Variants in FAM241A observed in about 807,000 individuals in gnomAD.
The protein encoded by FAM241A is family with sequence similarity 241 member A.
FAM241A carries 7 observed loss-of-function variants against 12.2 expected under a neutral mutation model. The observed-to-expected ratio is 0.58, with a 90% CI of 0.33 to 1.08. The LOEUF (loss-of-function observed/expected upper bound fraction) is 1.08. Among genes scored for constraint, FAM241A ranks in the 50% least tolerant of loss-of-function variants. The pLI, the probability that FAM241A is intolerant of heterozygous loss-of-function variation, is 0.04. For synonymous variants in FAM241A, 74 were observed against 68.2 expected, an observed-to-expected ratio of 1.08 and a Z score of -0.42; for missense variants, 161 against 169.7, an observed-to-expected ratio of 0.95 and a Z score of 0.29.
intron 1 of FAM241A, among the ~76,000 whole-genome samples, chr4:112,184,803 A>G (rs544698054): frequency 1.3e-5 from 2 of 152,360 alleles, no homozygotes; most frequent in East Asian, 1.9e-4. Flanking sequence ...TGTGTACAAT[A>G]GAAAATAAGG....
intron 1 of FAM241A, among the ~76,000 whole-genome samples, chr4:112,171,798 G>A (rs962024181): frequency 5.3e-5 from 8 of 152,134 alleles, no homozygotes; most frequent in African/African-American, 1.9e-4. Context: ...GGCGGAGGTT[G>A]CAGTGAGCCG....
chr4:112,147,369 T>C (rs1285751402), intron 1 of FAM241A, among the ~76,000 whole-genome samples: 1 of 152,216 alleles, frequency 6.6e-6, no homozygotes, highest in East Asian at 1.9e-4. Context: ...TACACAATAA[T>C]TGAAAATCAC....
intron 1 of FAM241A, among the ~76,000 whole-genome samples, chr4:112,154,468 G>A (rs914066799): frequency 1.3e-5 from 2 of 151,844 alleles, no homozygotes; most frequent in African/African-American, 4.8e-5. Flanking sequence ...GAGTTTTGCC[G>A]TGTTGCCCAG....
chr4:112,145,924 C>T (rs1413354602), intron 1 of FAM241A, among the ~76,000 whole-genome samples, 191 bp downstream of exon 1: 22 of 151,450 alleles, frequency 1.5e-4, no homozygotes. Flanking sequence ...GCGGCGGGGT[C>T]GCGCGAGTGC....
At chr4:112,180,624 A>T (rs1288784720) in intron 1 of FAM241A, among the ~76,000 whole-genome samples, 1 of 152,152 alleles carries the variant, frequency 6.6e-6, no homozygotes, top group African/African-American at 2.4e-5. Flanking sequence ...GTGGTATAAA[A>T]TTGCTATAAA....
At chr4:112,167,850 G>A (rs1270371428) in intron 1 of FAM241A, among the ~76,000 whole-genome samples, 1 of 152,182 alleles carries the variant, frequency 6.6e-6, no homozygotes, top group Non-Finnish European at 1.5e-5. Context: ...CCTATTCTGT[G>A]AATCAAGGAT....
intron 1 of FAM241A, among the ~76,000 whole-genome samples, chr4:112,181,660 A>AG (rs1338362989): frequency 6.6e-6 from 1 of 152,220 alleles, no homozygotes; most frequent in Non-Finnish European, 1.5e-5. Context: ...CCAAAAGGAG[A>AG]GGATGCCTTA....
Position 112,187,619 on chromosome 4 carries a change from C to T in FAM241A, c.*681C>T, listed in dbSNP as rs1284025830. 1.3e-5 allele frequency: 2 copies of T among 152,424 alleles called. No homozygotes were observed. The highest frequency in any genetic ancestry group is 2.9e-5 in the Non-Finnish European group (2 of 67,910). 9.4% of individuals were successfully genotyped at this position (152,424 alleles called of 1,614,324 possible). On this transcript the variant is annotated 3_prime_UTR_variant, in exon 2 of 2. Coordinates refer to ENST00000309733, the MANE Select transcript of FAM241A (RefSeq NM_152400.3). Reference sequence around the variant, plus strand: ...TGGACCTAGACCTACTTTAATATATCATTTGAAGTTTCAGACAATTTTGGT... The same window carrying T: ...TGGACCTAGACCTACTTTAATATATTATTTGAAGTTTCAGACAATTTTGGT...
chr4:112,172,642 T>C (rs1334300147), intron 1 of FAM241A, among the ~76,000 whole-genome samples: 1 of 152,204 alleles, frequency 6.6e-6, no homozygotes, highest in Non-Finnish European at 1.5e-5. Flanking sequence ...TTAAAATATA[T>C]GTATTTGTTT....
intron 1 of FAM241A, among the ~76,000 whole-genome samples, chr4:112,185,668 G>A (rs1724023576): frequency 6.6e-6 from 1 of 152,178 alleles, no homozygotes; most frequent in South Asian, 2.1e-4. Flanking sequence ...ATTTCTCTGA[G>A]TTCAGAGGAG....
At chr4:112,173,361 A>C (rs1025374465) in intron 1 of FAM241A, among the ~76,000 whole-genome samples, 4 of 152,234 alleles carry the variant, frequency 2.6e-5, no homozygotes, top group African/African-American at 7.2e-5. Flanking sequence ...AATAGGTTTG[A>C]GTGTGACATT....
At chr4:112,180,656 A>T (rs1723916103) in intron 1 of FAM241A, among the ~76,000 whole-genome samples, 1 of 152,210 alleles carries the variant, frequency 6.6e-6, no homozygotes, top group African/African-American at 2.4e-5. Context: ...TTAAAAAAAA[A>T]ACTTTTTTTC....
intron 1 of FAM241A, among the ~76,000 whole-genome samples, chr4:112,157,932 C>CTGTGCCTTTAA (rs1221390772): frequency 1.3e-5 from 2 of 152,066 alleles, no homozygotes; most frequent in African/African-American, 4.8e-5. Context: ...AGGCACATTT[C>CTGTGCCTTTAA]ATTTAAGCTT....
At chr4:112,147,801 T>C (rs1241023160) in intron 1 of FAM241A, among the ~76,000 whole-genome samples, 1 of 152,154 alleles carries the variant, frequency 6.6e-6, no homozygotes, top group Non-Finnish European at 1.5e-5. Flanking sequence ...GAACTTAAGG[T>C]GAACTTTTCC....
rs1254958045 is a variant in FAM241A at position 112,148,131 on chromosome 4, CAG to C, written c.153+2401_153+2402del. 4.6e-5 allele frequency among the ~76,000 whole-genome samples: 7 copies of C among 152,204 alleles called. No individual in the cohort carries two copies. In the East Asian group the frequency reaches 1.2e-3, roughly 25 times the overall value. On this transcript the variant is annotated intron_variant, in intron 1 of 1. Transcript: ENST00000309733. ...TCCCTTTCTATTTCTATTCCCCTCACAGAGTTTGCCCTTTCCTAATAATTTGA... is the reference window on the plus strand; with the variant it reads ...TCCCTTTCTATTTCTATTCCCCTCACAGTTTGCCCTTTCCTAATAATTTGA...
rs1560587063 is a variant in FAM241A at position 112,186,956 on chromosome 4, T to C, written c.*18T>C. 1.9e-6 allele frequency: 3 copies of C among 1,604,164 alleles called. No homozygotes were observed. The highest frequency in any genetic ancestry group is 2.6e-6 in the Non-Finnish European group (3 of 1,173,952). On this transcript the variant is annotated 3_prime_UTR_variant, in exon 2 of 2. Coordinates refer to ENST00000309733, the MANE Select transcript of FAM241A (RefSeq NM_152400.3). Reference sequence around the variant, plus strand: ...AACAGTAAAACATGGCCGAATTGAATTGTTTGACATTTGGTAGCCATATAT... The same window carrying C: ...AACAGTAAAACATGGCCGAATTGAACTGTTTGACATTTGGTAGCCATATAT...
At chr4:112,172,747 T>C (rs1362190054) in intron 1 of FAM241A, among the ~76,000 whole-genome samples, 2 of 152,230 alleles carry the variant, frequency 1.3e-5, no homozygotes, top group East Asian at 1.9e-4. Context: ...AAAAAATGTT[T>C]GTTGAATTGG....
At chr4:112,184,133 A>C (rs1370463322) in intron 1 of FAM241A, among the ~76,000 whole-genome samples, 1 of 152,234 alleles carries the variant, frequency 6.6e-6, no homozygotes, top group Non-Finnish European at 1.5e-5. Context: ...CACTCAGTTA[A>C]AGTGTTGCAG....
Position 112,188,684 on chromosome 4 carries a change from CAG to C in FAM241A, c.*1747_*1748del, listed in dbSNP as rs1355013131. 6.6e-6 allele frequency: 1 copy of C among 152,064 alleles called. No homozygotes were observed. Among genetic ancestry groups the C allele is most frequent in the African/African-American group, 2.4e-5 (1 of 41,420 alleles). 9.4% of individuals were successfully genotyped at this position (152,064 alleles called of 1,614,324 possible). A position where few individuals can be genotyped will look rare whatever the true frequency, so the allele number is the denominator to read the frequency against. On this transcript the variant is annotated 3_prime_UTR_variant, in exon 2 of 2. Transcript: ENST00000309733. ...GATTTTGTATATCTACATAAAATAT[CAG>C]TACATTTTTTTCTAATGCTACTGGA...
Sources: gnomAD v4.1 joint callset for allele counts (sites outside exome capture counted in the v4.1 genomes callset) on GRCh38, gnomAD v4.1.1 for gene constraint, MANE v1.5 for transcripts, NCBI Gene and HGNC (gene_info 2026-07-23, HGNC 2026-07-21) for gene names.